Variants in ADPRHL1 observed in about 807,000 individuals in gnomAD.
ADPRHL1 encodes inactive ADP-ribosyltransferase ARH2.
A neutral mutation model predicts 44.1 loss-of-function variants in ADPRHL1; 43 were observed. The observed-to-expected ratio is 0.98, with a 90% CI of 0.76 to 1.26. The LOEUF (loss-of-function observed/expected upper bound fraction) is 1.26. ADPRHL1 is among the 50% of genes most tolerant of loss of function. ADPRHL1 has a pLI of 0.00. For missense variants in ADPRHL1, 2,022 were observed against 2,496.9 expected (o/e 0.81, Z 4.05); for synonymous variants, 878 against 1,017.4 (o/e 0.86, Z 2.61).
intron 3 of ADPRHL1, among the ~76,000 whole-genome samples, chr13:113,430,485 G>A (rs533705057): frequency 2.0e-5 from 3 of 152,292 alleles, no homozygotes; most frequent in East Asian, 3.9e-4. Context: ...GACTAGTGAC[G>A]GCCGTGGTGA....
chr13:113,431,502 GC>G (rs1272527850), intron 3 of ADPRHL1, among the ~76,000 whole-genome samples: 1 of 152,216 alleles, frequency 6.6e-6, no homozygotes, highest in African/African-American at 2.4e-5. Context: ...CTACGGCTCT[GC>G]CCCCGCGCAG....
chr13:113,425,474 G>A (rs1338831775), intron 4 of ADPRHL1, among the ~76,000 whole-genome samples: 1 of 152,132 alleles, frequency 6.6e-6, no homozygotes, highest in Middle Eastern at 3.2e-3. Context: ...CGTGATCTCG[G>A]CTCACTGCAA....
chr13:113,433,564 G>A (rs1007772183), intron 3 of ADPRHL1, among the ~76,000 whole-genome samples, 178 bp downstream of exon 3: 4 of 152,202 alleles, frequency 2.6e-5, no homozygotes, highest in East Asian at 1.9e-4. Context: ...CGGGCAGGGC[G>A]CCCTCACAGC....
intron 7 of ADPRHL1, among the ~76,000 whole-genome samples, chr13:113,414,353 C>T (rs1461323830): frequency 2.0e-5 from 3 of 152,214 alleles, no homozygotes; most frequent in Non-Finnish European, 2.9e-5. Flanking sequence ...CTGCCATTTC[C>T]TGCCCCTCTG....
chr13:113,438,659 G>A (rs899863181), intron 2 of ADPRHL1, among the ~76,000 whole-genome samples: 2 of 152,044 alleles, frequency 1.3e-5, no homozygotes, highest in Non-Finnish European at 2.9e-5. Flanking sequence ...GTGCCACTGG[G>A]TGACAGAGCG....
intron 7 of ADPRHL1, among the ~76,000 whole-genome samples, chr13:113,417,529 C>G (rs914406881): frequency 1.1e-4 from 17 of 152,070 alleles, no homozygotes. Context: ...AGGCGCGGTC[C>G]CTGCCTTTGT....
chr13:113,403,545 C>T lies in ADPRHL1; in HGVS notation c.5737G>A (p.Glu1913Lys), dbSNP rs1002573117. ...QEGSPDHPGAERALQDRMEAS... is the reference protein window; with the variant it reads ...QEGSPDHPGAKRALQDRMEAS... ...TCCATCCTGTCCTGCAGGGCCCTCTCAGCCCCAGGGTGGTCTGGGGACCCC... is the reference window on the plus strand; with the variant it reads ...TCCATCCTGTCCTGCAGGGCCCTCTTAGCCCCAGGGTGGTCTGGGGACCCC... Residue 1913 changes from glutamate to lysine, a missense_variant, in exon 8 of 8, where the codon GAG becomes AAG. Physicochemically the swap from Glu to Lys is moderately conservative, Grantham distance 56. This residue lies in a region of ADPRHL1 where 205 missense variants were observed against 250.1 expected (regional missense o/e 0.82). Transcript: ENST00000612156. The T allele has an allele frequency of 3.2e-6, 4 of 1,231,854 alleles. No individual in the cohort carries two copies. The Admixed American group carries it at 1.7e-4, about 52-fold the overall frequency. The allele number at this position is 1,231,854 out of a possible 1,614,324, so 76.3% of individuals were successfully genotyped here.
intron 4 of ADPRHL1, among the ~76,000 whole-genome samples, chr13:113,427,132 T>C (rs2043973638): frequency 6.6e-6 from 1 of 152,234 alleles, no homozygotes; most frequent in East Asian, 1.9e-4. Context: ...TAAAGCTTTC[T>C]GAAGAACAGT....
At chr13:113,422,611 G>A in intron 7 of ADPRHL1, 1 of 656,576 alleles carries the variant, frequency 1.5e-6, no homozygotes, top group Non-Finnish European at 2.5e-6. Context: ...CAATGTTGAT[G>A]GTGGAGGACG....
chr13:113,431,420 G>A (rs1366014615), intron 3 of ADPRHL1, among the ~76,000 whole-genome samples: 1 of 152,256 alleles, frequency 6.6e-6, no homozygotes, highest in African/African-American at 2.4e-5. Context: ...GGCCCGGCGG[G>A]AGGGCTGCAG....
intron 3 of ADPRHL1, among the ~76,000 whole-genome samples, chr13:113,429,811 C>A (rs543199010): frequency 1.6e-4 from 25 of 152,228 alleles, no homozygotes; most frequent in Non-Finnish European, 2.5e-4. Context: ...AACTTCTGGG[C>A]GTGCATTAGC....
Position 113,453,324 on chromosome 13 carries a change from T to C in ADPRHL1, c.114A>G (p.Gln38=). 3 of 1,614,170 alleles carry C rather than the reference T, an allele frequency of 1.9e-6. No individual in the cohort carries two copies. The highest frequency in any genetic ancestry group is 2.5e-6 in the Non-Finnish European group (3 of 1,180,030). The change falls in exon 1 of 8, where the codon CAA becomes CAG. Residue 38 remains glutamine (Q), a synonymous_variant. Transcript: ENST00000612156. This position sits in a 1 kb window ranked among gnomAD's most constrained non-coding sequence, Gnocchi z 5.4. The stretch of plus-strand genomic sequence containing the variant: ...CGAGGTGGTCCAGGCCCCCGGAACG[T>C]TGCAGCTCCTCCTGGATCTTCATGC... ...TVGMKIQEEL[Q]RSGGLDHLVL... is the part of the protein sequence containing the mutation.
Position 113,453,086 on chromosome 13 carries a change from CT to C in ADPRHL1, c.214+137del. On this transcript the variant is annotated intron_variant, in intron 1 of 7. Transcript: ENST00000612156. The surrounding 1 kb of genome is among the most constrained non-coding windows in gnomAD (Gnocchi z 5.4). ...GAGGGACACTCAGATTAAATTGCCA[CT>C]TTTAGCAGCGGTATCAGGTAACACC... 1.1e-6 allele frequency: 1 copy of C among 900,144 alleles called. No homozygotes were observed. The highest frequency in any genetic ancestry group is 1.7e-6 in the Non-Finnish European group (1 of 598,392). 55.8% of individuals were successfully genotyped at this position (900,144 alleles called of 1,614,324 possible).
chr13:113,424,685 T>TATCCACCCATCCACCCACCCATTCATCC (rs796534583), intron 5 of ADPRHL1, among the ~76,000 whole-genome samples: 1 of 23,648 alleles, frequency 4.2e-5, no homozygotes. Flanking sequence ...TCCATTCATC[T>TATCCACCCATCCACCCACCCATTCATCC]ATCCACCCAT....
At chr13:113,426,949 C>T (rs1055219225) in intron 4 of ADPRHL1, among the ~76,000 whole-genome samples, 4 of 152,276 alleles carry the variant, frequency 2.6e-5, no homozygotes, top group Non-Finnish European at 4.4e-5. Context: ...GGGTGTCCTA[C>T]GGGACTTAAC....
intron 2 of ADPRHL1, among the ~76,000 whole-genome samples, chr13:113,438,777 G>A (rs755666504): frequency 3.7e-4 from 56 of 152,204 alleles, no homozygotes; most frequent in Non-Finnish European, 6.8e-4. Flanking sequence ...TCCTGGCTCA[G>A]TCTTCCAACG....
At chr13:113,444,290 G>C in intron 2 of ADPRHL1, 135 bp downstream of exon 2, 2 of 1,275,008 alleles carry the variant, frequency 1.6e-6, no homozygotes, top group Non-Finnish European at 2.2e-6. Context: ...GCCCCCACCC[G>C]ACAAAGGGAC....
At chr13:113,425,635 G>A (rs1277723712) in intron 4 of ADPRHL1, among the ~76,000 whole-genome samples, 3 of 150,872 alleles carry the variant, frequency 2.0e-5, no homozygotes, top group African/African-American at 4.9e-5. Flanking sequence ...GCCTCCCAAC[G>A]TGTTGGGATT....
In ADPRHL1 at chr13:113,444,487, C is replaced by G. The variant is rs1474144883; in HGVS notation, c.317G>C (p.Gly106Ala). ...GTTATTGGGCTTTAGCTGAGCACAG[C>G]CTTCAATGGTAGCTGGGTCTGGCCG... ...ERRPDPATIE[G>A]CAQLKPNNYL... is the part of the protein sequence containing the mutation. The change falls in exon 2 of 8, where the codon GGC (glycine) becomes GCC (alanine). Residue 106 changes from glycine to alanine, a missense_variant. Transcript: ENST00000612156. The G allele has an allele frequency of 9.9e-6, 16 of 1,614,178 alleles. No individual in the cohort carries two copies. Among genetic ancestry groups the G allele is most frequent in the Non-Finnish European group, 1.2e-5 (14 of 1,180,028 alleles).
Sources: allele counts gnomAD v4.1 joint callset (sites outside exome capture counted in the v4.1 genomes callset), GRCh38; gene constraint gnomAD v4.1.1; regional missense constraint gnomAD v4.1.1; non-coding constraint Gnocchi (gnomAD v3.1); transcripts MANE v1.5; gene names NCBI Gene and HGNC (gene_info 2026-07-23, HGNC 2026-07-21).